ALLC: variants seen among roughly 807,000 people sequenced by gnomAD.
ALLC encodes allantoicase.
A neutral mutation model predicts 45.0 loss-of-function variants in ALLC; 40 were observed. The ratio of observed to expected loss-of-function variants is 0.89; its 90% CI spans 0.69 to 1.16. The LOEUF (loss-of-function observed/expected upper bound fraction) is 1.16. Ranked by LOEUF, ALLC falls within the 50% of genes most tolerant of loss-of-function variation. ALLC has a pLI of 0.00. For synonymous variants in ALLC, 176 were observed against 178.1 expected (o/e 0.99, Z 0.09); for missense variants, 488 against 493.1 (o/e 0.99, Z 0.10).
rs774518291 is a variant in ALLC at position 3,702,551 on chromosome 2, A to T, written c.1164A>T (p.Lys388Asn). 1 of 1,590,982 alleles carries T rather than the reference A, an allele frequency of 6.3e-7. No homozygotes were observed. Among genetic ancestry groups the T allele is most frequent in the Non-Finnish European group, 8.5e-7 (1 of 1,170,102 alleles). ...KPMLKFSVSF[K>N]ANP ...TGTTGAAGTTCTCGGTGAGCTTCAA[A>T]GCAAACCCTTAACACACACAAAGCC... Residue 388 changes from lysine (K) to asparagine (N), a missense_variant, in exon 12 of 12, where the codon AAA becomes AAT. Coordinates refer to ENST00000252505, the MANE Select transcript of ALLC (RefSeq NM_018436.4).
rs201211524 is a variant in ALLC at position 3,697,621 on chromosome 2, G to GTCTATCTATCTA, written c.850+201_850+212dup. On this transcript the variant is annotated intron_variant, in intron 10 of 11. Transcript: ENST00000252505. ...TTAACCCTTAGAACTCTGTCTGTCT[G>GTCTATCTATCTA]TCTATCTATCTATCTATCTATCTAT... Among the ~76,000 whole-genome samples, 771 of 125,434 alleles carry GTCTATCTATCTA rather than the reference G, an allele frequency of 6.1e-3. 2 individuals are homozygous for GTCTATCTATCTA. The highest frequency in any genetic ancestry group is 0.01 in the South Asian group (37 of 3,672). 82.3% of individuals were successfully genotyped at this position (125,434 alleles called of 152,430 possible).
chr2:3,666,856 C>T (rs1558535106), intron 1 of ALLC, among the ~76,000 whole-genome samples: 1 of 152,198 alleles, frequency 6.6e-6, no homozygotes, highest in Non-Finnish European at 1.5e-5. Context: ...CAGTCAAATC[C>T]TCTTTGACGA....
At chr2:3,660,669 C>T (rs1317555073) in intron 1 of ALLC, among the ~76,000 whole-genome samples, 2 of 152,086 alleles carry the variant, frequency 1.3e-5, no homozygotes, top group Non-Finnish European at 2.9e-5. Flanking sequence ...GCCCCTGCTG[C>T]TGTATCATTC....
At chr2:3,671,057 C>A in intron 1 of ALLC, 39 bp from the exon 2 acceptor site, 3 of 1,308,086 alleles carry the variant, frequency 2.3e-6, no homozygotes, top group Non-Finnish European at 3.2e-6. Flanking sequence ...CTCACTCCCG[C>A]AGCCCCCAAG....
chr2:3,696,450 G>A (rs564249092), intron 9 of ALLC, 102 bp downstream of exon 9: 1 of 902,440 alleles, frequency 1.1e-6, no homozygotes, highest in African/African-American at 1.7e-5. Flanking sequence ...AACCTCATAT[G>A]CATTGTTCTA....
At chr2:3,671,313 A>G (rs1666862240) in intron 2 of ALLC, 123 bp downstream of exon 2, 1 of 1,125,352 alleles carries the variant, frequency 8.9e-7, no homozygotes, top group Non-Finnish European at 1.3e-6. Flanking sequence ...GGCCTGCCCA[A>G]GGAAACCCGT....
chr2:3,677,212 C>T (rs556921157), intron 3 of ALLC, among the ~76,000 whole-genome samples: 7 of 152,294 alleles, frequency 4.6e-5, no homozygotes, highest in Admixed American at 2.6e-4. Context: ...TCCCTCACAC[C>T]GTTCAGTGTC....
chr2:3,664,914 C>G lies in ALLC; in HGVS notation c.-62-6182C>G, dbSNP rs567452101. 9.2e-5 allele frequency among the ~76,000 whole-genome samples: 14 copies of G among 151,534 alleles called. No homozygotes were observed. The South Asian group carries it at 1.0e-3, about 11-fold the overall frequency. On this transcript the variant is annotated intron_variant, in intron 1 of 11. Transcript: ENST00000252505. Reference sequence around the variant, plus strand: ...AAAAAAACAAAACCAAAACCCCCCCCCAAACCAGATGTTTCCAAATGCTCG... The same window carrying G: ...AAAAAAACAAAACCAAAACCCCCCCGCAAACCAGATGTTTCCAAATGCTCG...
chr2:3,654,609 C>T (rs146661433), upstream of ALLC, among the ~76,000 whole-genome samples: 1 of 152,332 alleles, frequency 6.6e-6, no homozygotes, highest in African/African-American at 2.4e-5. Flanking sequence ...AGACACACTC[C>T]CTGAGCACTT....
rs914063288 is a variant in ALLC, at chr2:3,671,255, G to A, written c.33+65G>A. The A allele has an allele frequency of 2.6e-6, 4 of 1,551,928 alleles. No homozygotes were observed. In the South Asian group the frequency reaches 4.7e-5, roughly 18 times the overall value. On this transcript the variant is annotated intron_variant, in intron 2 of 11. Coordinates refer to ENST00000252505, the MANE Select transcript of ALLC (RefSeq NM_018436.4). ...TCCGTGCTAAGGGCACAACTCACCA[G>A]TGCAGAGAACCTCATGCAAGAATCA... is the stretch of plus-strand genomic sequence containing the variant.
At chr2:3,683,994 A>C (rs1667263747) in intron 7 of ALLC, among the ~76,000 whole-genome samples, 1 of 152,072 alleles carries the variant, frequency 6.6e-6, no homozygotes. Context: ...TTACCCGTTC[A>C]TTAGTTGACA....
chr2:3,662,931 C>T (rs1413051182), intron 1 of ALLC, among the ~76,000 whole-genome samples: 1 of 152,184 alleles, frequency 6.6e-6, no homozygotes, highest in Non-Finnish European at 1.5e-5. Flanking sequence ...GCTGCGACCC[C>T]CAGTGTGATG....
intron 10 of ALLC, among the ~76,000 whole-genome samples, chr2:3,698,421 A>C (rs181661123): frequency 1.9e-3 from 290 of 152,298 alleles, no homozygotes; most frequent in African/African-American, 6.7e-3. Flanking sequence ...GATGGGAGGC[A>C]CCTTTTTACA....
At position 3,697,390 on chromosome 2, in the gene ALLC, G is replaced by A; in HGVS notation, c.784G>A (p.Ala262Thr). 6.2e-7 allele frequency: 1 copy of A among 1,613,932 alleles called. No homozygotes were observed. Among genetic ancestry groups the A allele is most frequent in the South Asian group, 1.1e-5 (1 of 91,076 alleles). Residue 262 changes from alanine to threonine, a missense_variant, in exon 10 of 12, where the codon GCA becomes ACA. Coordinates refer to ENST00000252505, the MANE Select transcript of ALLC (RefSeq NM_018436.4). ...GILLVPGCEW[A>T]VFRLAHPGVI... ...TCTCTTGGTTCCGGGTTGTGAATGG[G>A]CAGTTTTCCGATTGGCACATCCTGG...
the ALLC span, among the ~76,000 whole-genome samples, chr2:3,645,894 C>T: frequency 3.3e-5 from 5 of 152,110 alleles, no homozygotes; most frequent in Admixed American, 6.5e-5. The surrounding 1 kb of genome is among the most constrained non-coding windows in gnomAD (Gnocchi z 4.3). Flanking sequence ...GTGGAGCTGG[C>T]TCCCAGGGGT....
intron 3 of ALLC, among the ~76,000 whole-genome samples, chr2:3,676,368 G>A (rs947996140): frequency 1.3e-5 from 2 of 151,934 alleles, no homozygotes; most frequent in East Asian, 1.9e-4. Flanking sequence ...CTGCAGCCTC[G>A]ACTTCCTGGG....
At chr2:3,646,652 G>C in the ALLC span, among the ~76,000 whole-genome samples, 30 of 152,304 alleles carry the variant, frequency 2.0e-4, 1 homozygote, top group East Asian at 3.1e-3. Flanking sequence ...GAGCGACCAG[G>C]CTTTTGCTTC....
chr2:3,677,236 CAGCAGCAGT>C (rs1275972185), intron 3 of ALLC, among the ~76,000 whole-genome samples: 3 of 152,214 alleles, frequency 2.0e-5, no homozygotes, highest in Non-Finnish European at 2.9e-5. Flanking sequence ...CCAATCACAA[CAGCAGCAGT>C]AGCAGCAACA....
chr2:3,659,199 C>T (rs1423675044), intron 1 of ALLC, among the ~76,000 whole-genome samples: 1 of 152,182 alleles, frequency 6.6e-6, no homozygotes, highest in Non-Finnish European at 1.5e-5. Flanking sequence ...TCCATCAGCA[C>T]AGCCTTCCCT....
Sources: allele counts gnomAD v4.1 joint callset (sites outside exome capture counted in the v4.1 genomes callset), GRCh38; gene constraint gnomAD v4.1.1; non-coding constraint Gnocchi (gnomAD v3.1); transcripts MANE v1.5; gene names NCBI Gene and HGNC (gene_info 2026-07-23, HGNC 2026-07-21).